Variants in PTPRM observed in about 807,000 individuals in gnomAD.
PTPRM encodes the protein receptor-type tyrosine-protein phosphatase mu.
In PTPRM, 47 loss-of-function variants were observed where a neutral mutation model predicts 186.7. The ratio of observed to expected loss-of-function variants is 0.25; its 90% CI spans 0.20 to 0.32. The LOEUF (loss-of-function observed/expected upper bound fraction) is 0.32. PTPRM is among the 10% of genes least tolerant of loss of function. The pLI, the probability that PTPRM is intolerant of heterozygous loss-of-function variation, is 1.00. For missense variants in PTPRM, 1,494 were observed against 1,865.0 expected, an observed-to-expected ratio of 0.80 and a Z score of 3.66; for synonymous variants, 668 against 674.9, an observed-to-expected ratio of 0.99 and a Z score of 0.16.
chr18:8,048,743 C>T (rs1237554405), intron 7 of PTPRM, among the ~76,000 whole-genome samples: 3 of 152,020 alleles, frequency 2.0e-5, no homozygotes, highest in Admixed American at 1.3e-4. Context: ...TTGTAAATAC[C>T]AAAATAGGAG....
chr18:7,711,014 C>A (rs1212408560), intron 1 of PTPRM, among the ~76,000 whole-genome samples: 1 of 152,074 alleles, frequency 6.6e-6, no homozygotes, highest in Non-Finnish European at 1.5e-5. Context: ...CATCAAAATA[C>A]TGATGTGGGT....
At chr18:7,626,982 A>G (rs2038077132) in intron 1 of PTPRM, among the ~76,000 whole-genome samples, 2 of 151,964 alleles carry the variant, frequency 1.3e-5, no homozygotes. Context: ...GGAGTGCATC[A>G]CACTCAGCTC....
At chr18:7,884,014 A>G (rs1041991295) in intron 2 of PTPRM, among the ~76,000 whole-genome samples, 3 of 152,028 alleles carry the variant, frequency 2.0e-5, no homozygotes, top group Non-Finnish European at 2.9e-5. Flanking sequence ...GGGTGTGGTG[A>G]TGCACACCTA....
intron 14 of PTPRM, among the ~76,000 whole-genome samples, chr18:8,200,475 C>G (rs982622148): frequency 6.6e-6 from 1 of 152,232 alleles, no homozygotes. Flanking sequence ...CAGGGCTGGC[C>G]CTGTGAGGCC....
intron 2 of PTPRM, among the ~76,000 whole-genome samples, chr18:7,855,315 C>T (rs2047044036): frequency 6.6e-6 from 1 of 152,200 alleles, no homozygotes; most frequent in South Asian, 2.1e-4. Flanking sequence ...CATAAAGACA[C>T]CAGCATGGGC....
rs868193533 is a variant in PTPRM, at chr18:7,649,257, C to G, written c.73+81366C>G. 7.9e-5 allele frequency among the ~76,000 whole-genome samples: 12 copies of G among 152,300 alleles called. No individual in the cohort carries two copies. In the Middle Eastern group the frequency reaches 0.02, roughly 259 times the overall value. On this transcript the variant is annotated intron_variant, in intron 1 of 32. Coordinates refer to ENST00000580170, the MANE Select transcript of PTPRM (RefSeq NM_001105244.2). ...AATATTACTGCTCATTGACAATGCACCTGGTCACACAAGAGCTCTGCTGGA... is the reference window on the plus strand; with the variant it reads ...AATATTACTGCTCATTGACAATGCAGCTGGTCACACAAGAGCTCTGCTGGA...
At chr18:7,642,498 A>G (rs544688573) in intron 1 of PTPRM, among the ~76,000 whole-genome samples, 9 of 152,354 alleles carry the variant, frequency 5.9e-5, no homozygotes, top group Middle Eastern at 3.4e-3. Flanking sequence ...TTTTGAGGTC[A>G]GGAAGCTAAG....
At chr18:7,722,972 G>C (rs1408555625) in intron 1 of PTPRM, among the ~76,000 whole-genome samples, 1 of 152,182 alleles carries the variant, frequency 6.6e-6, no homozygotes, top group Non-Finnish European at 1.5e-5. Flanking sequence ...AAAAACTCAA[G>C]AGACAAGTTT....
In PTPRM at chr18:7,972,673, G is replaced by A. The variant is rs1255822570; in HGVS notation, c.1132+17259G>A. Among the ~76,000 whole-genome samples the A allele has an allele frequency of 3.3e-5, 5 of 151,972 alleles. No homozygotes were observed. The East Asian group carries it at 5.8e-4, about 18-fold the overall frequency. On this transcript the variant is annotated intron_variant, in intron 7 of 32. Coordinates refer to ENST00000580170, the MANE Select transcript of PTPRM (RefSeq NM_001105244.2). ...CTCCTAATTTGAGTAATGAATTCAT[G>A]ATAAATAACATTTTACTTGTTAATG...
chr18:8,355,426 G>C (rs940759218), intron 23 of PTPRM, among the ~76,000 whole-genome samples: 1 of 152,178 alleles, frequency 6.6e-6, no homozygotes, highest in African/African-American at 2.4e-5. Context: ...AAGCTGCAGG[G>C]ATTCAGTATG....
chr18:7,608,549 C>T (rs1296398885), intron 1 of PTPRM, among the ~76,000 whole-genome samples: 1 of 152,034 alleles, frequency 6.6e-6, no homozygotes, highest in African/African-American at 2.4e-5. Context: ...ATGGGAGGCA[C>T]CTGGCTCCTT....
intron 23 of PTPRM, among the ~76,000 whole-genome samples, chr18:8,353,073 G>A (rs1227859095): frequency 2.6e-5 from 4 of 152,148 alleles, no homozygotes; most frequent in Non-Finnish European, 5.9e-5. Context: ...TCTTTGCTGA[G>A]GAAGCATTTT....
Position 8,378,272 on chromosome 18 carries a change from A to T in PTPRM, c.3470A>T (p.Tyr1157Phe). ...TTCCATCTCCTTCTCCAGGAGCAGT[A>T]TGTGTTTATCCACGATGCGATCCTG... ...RVNMVQTEEQ[Y>F]VFIHDAILEA... is the part of the protein sequence containing the mutation. Residue 1157 changes from tyrosine to phenylalanine, a missense_variant, in exon 27 of 33, where the codon TAT (tyrosine) becomes TTT (phenylalanine). By Grantham distance (22) the Tyr-to-Phe change is conservative. Coordinates refer to ENST00000580170, the MANE Select transcript of PTPRM (RefSeq NM_001105244.2). 6.2e-7 allele frequency: 1 copy of T among 1,610,602 alleles called. No homozygotes were observed. The highest frequency in any genetic ancestry group is 8.5e-7 in the Non-Finnish European group (1 of 1,176,956).
chr18:8,017,255 T>A (rs2147926073), intron 7 of PTPRM, among the ~76,000 whole-genome samples: 1 of 152,170 alleles, frequency 6.6e-6, no homozygotes. Flanking sequence ...ATAAAAATAT[T>A]AGGCCAGGCG....
chr18:7,732,486 T>A (rs940741811), intron 1 of PTPRM, among the ~76,000 whole-genome samples: 9 of 152,178 alleles, frequency 5.9e-5, no homozygotes, highest in African/African-American at 2.2e-4. Context: ...AATTATAATA[T>A]TTGATTTTTT....
At chr18:8,070,674 G>A (rs1178842147) in intron 8 of PTPRM, among the ~76,000 whole-genome samples, 1 of 152,128 alleles carries the variant, frequency 6.6e-6, no homozygotes, top group Non-Finnish European at 1.5e-5. Context: ...GGATATAAAT[G>A]TTTCTTTACA....
intron 19 of PTPRM, among the ~76,000 whole-genome samples, chr18:8,270,639 T>C (rs2094759440): frequency 6.6e-6 from 1 of 152,098 alleles, no homozygotes; most frequent in South Asian, 2.1e-4. Flanking sequence ...ATGAAGAAAT[T>C]ATGGTGCATA....
chr18:8,104,031 A>C (rs2091410370), intron 11 of PTPRM, among the ~76,000 whole-genome samples: 1 of 152,234 alleles, frequency 6.6e-6, no homozygotes, highest in Non-Finnish European at 1.5e-5. Context: ...ACCCCAAAAC[A>C]ATTACAAGAG....
intron 1 of PTPRM, among the ~76,000 whole-genome samples, chr18:7,757,445 T>C (rs2041552433): frequency 1.3e-5 from 2 of 152,204 alleles, no homozygotes; most frequent in South Asian, 2.1e-4. Context: ...GCTTCACCTA[T>C]GGAGAATGAC....
Sources: gnomAD v4.1 joint callset for allele counts (sites outside exome capture counted in the v4.1 genomes callset) on GRCh38, gnomAD v4.1.1 for gene constraint, MANE v1.5 for transcripts, NCBI Gene and HGNC (gene_info 2026-07-23, HGNC 2026-07-21) for gene names.